The following C10orf90 variants were observed in gnomAD, a reference collection of about 807,000 sequenced individuals.
C10orf90 encodes the protein chromosome 10 open reading frame 90.
Under a neutral mutation model 62.5 loss-of-function variants are expected in C10orf90, and 56 were observed. That is an observed-to-expected ratio of 0.90 (90% CI 0.72 to 1.12). The LOEUF (loss-of-function observed/expected upper bound fraction) is 1.12. Ranked by LOEUF, C10orf90 falls within the 50% of genes most tolerant of loss-of-function variation. The probability of loss-of-function intolerance (pLI) is 0.00; values close to 1 mark genes in which losing one functional copy is unlikely to be tolerated. For synonymous variants in C10orf90, 386 were observed against 340.4 expected, an observed-to-expected ratio of 1.13 and a Z score of -1.47; for missense variants, 970 against 880.4, an observed-to-expected ratio of 1.10 and a Z score of -1.29.
At chr10:126,489,567 A>G (rs1394648389) in intron 4 of C10orf90, among the ~76,000 whole-genome samples, 1 of 152,166 alleles carries the variant, frequency 6.6e-6, no homozygotes, top group Admixed American at 6.5e-5. Flanking sequence ...GAAAAAACAG[A>G]GCACGACGAG....
chr10:126,521,192 G>C, intron 2 of C10orf90: 1 of 1,256,390 alleles, frequency 8.0e-7, no homozygotes, highest in Non-Finnish European at 1.1e-6. Flanking sequence ...CTTTCCCCTG[G>C]GGCCTCATAC....
chr10:126,532,835 T>A (rs1311559101), intron 2 of C10orf90, among the ~76,000 whole-genome samples: 2 of 2,920 alleles, frequency 6.8e-4, no homozygotes, highest in African/African-American at 8.8e-3. Context: ...AGAGCGAGAC[T>A]ACGTCTCAAA....
At chr10:126,576,729 TA>T (rs368227423) in intron 2 of C10orf90, among the ~76,000 whole-genome samples, 5,504 of 47,552 alleles carry the variant, frequency 0.12, 112 homozygotes, top group African/African-American at 0.21. Context: ...GATATACATA[TA>T]TATGTATATG....
At chr10:126,545,254 G>T (rs1242880127) in intron 2 of C10orf90, among the ~76,000 whole-genome samples, 1 of 152,158 alleles carries the variant, frequency 6.6e-6, no homozygotes, top group Admixed American at 6.5e-5. Flanking sequence ...ATTGAGTGTA[G>T]TAAAATCTCC....
At chr10:126,462,631 T>C (rs763305627) in intron 5 of C10orf90, among the ~76,000 whole-genome samples, 9 of 152,200 alleles carry the variant, frequency 5.9e-5, no homozygotes, top group Non-Finnish European at 1.0e-4. Flanking sequence ...ATACCCACTC[T>C]GCATCTCTCC....
intron 2 of C10orf90, among the ~76,000 whole-genome samples, chr10:126,593,109 A>G (rs1845014533): frequency 6.6e-6 from 1 of 152,254 alleles, no homozygotes; most frequent in African/African-American, 2.4e-5. Context: ...CAATTCAACC[A>G]TTGTGGAAGA....
intron 2 of C10orf90, among the ~76,000 whole-genome samples, chr10:126,584,915 A>G (rs924716314): frequency 2.0e-5 from 3 of 151,938 alleles, no homozygotes; most frequent in African/African-American, 4.8e-5. Context: ...CTCATCCCTA[A>G]AAGTACACAC....
At chr10:126,592,046 G>T (rs777114633) in intron 2 of C10orf90, among the ~76,000 whole-genome samples, 1 of 152,094 alleles carries the variant, frequency 6.6e-6, no homozygotes, top group Non-Finnish European at 1.5e-5. Context: ...GGAAATCAGA[G>T]AGGACACAAA....
At chr10:126,651,748 G>T (rs1314923528) in intron 1 of C10orf90, among the ~76,000 whole-genome samples, 3 of 152,220 alleles carry the variant, frequency 2.0e-5, no homozygotes, top group Admixed American at 6.5e-5. Flanking sequence ...AGTTTGCAGA[G>T]AAAACAGAGG....
At chr10:126,594,078 T>C (rs1845034834) in intron 2 of C10orf90, among the ~76,000 whole-genome samples, 1 of 149,324 alleles carries the variant, frequency 6.7e-6, no homozygotes, top group Non-Finnish European at 1.5e-5. Context: ...GATAATCACA[T>C]AGTTACCTAA....
At chr10:126,565,120 T>TTA (rs1844317618) in intron 2 of C10orf90, among the ~76,000 whole-genome samples, 3 of 50,048 alleles carry the variant, frequency 6.0e-5, no homozygotes, top group African/African-American at 2.2e-4. Flanking sequence ...ATATATTATA[T>TTA]AATATATAAT....
intron 2 of C10orf90, among the ~76,000 whole-genome samples, chr10:126,640,648 A>G (rs1846041920): frequency 6.6e-6 from 1 of 152,232 alleles, no homozygotes; most frequent in Non-Finnish European, 1.5e-5. Context: ...GGGCAGGTTG[A>G]ATCAAGCTTC....
At chr10:126,665,291 C>T (rs1846603815) in intron 1 of C10orf90, among the ~76,000 whole-genome samples, 1 of 152,184 alleles carries the variant, frequency 6.6e-6, no homozygotes, top group Non-Finnish European at 1.5e-5. Flanking sequence ...TTTGATCTGG[C>T]TAAGCTCTTC....
At chr10:126,487,165 A>AG (rs1861485573) in intron 4 of C10orf90, among the ~76,000 whole-genome samples, 1 of 143,908 alleles carries the variant, frequency 6.9e-6, no homozygotes, top group East Asian at 2.0e-4. Context: ...AAAAAAAAAA[A>AG]AAAGAAAGAA....
At chr10:126,506,771 G>A (rs1185293200) in intron 3 of C10orf90, among the ~76,000 whole-genome samples, 1 of 152,186 alleles carries the variant, frequency 6.6e-6, no homozygotes, top group East Asian at 1.9e-4. Context: ...TGGAAGCAGG[G>A]TATTTGCTCA....
chr10:126,510,939 C>T (rs1473847254), intron 3 of C10orf90, among the ~76,000 whole-genome samples: 1 of 152,208 alleles, frequency 6.6e-6, no homozygotes, highest in Non-Finnish European at 1.5e-5. Context: ...AAGAATAAGG[C>T]TCTCCTCCCA....
rs967755311 is a variant in C10orf90 at position 126,669,258 on chromosome 10, G to A, written c.240+983C>T. ...TTTCTGTGGCCTTTACATCTCTGTT[G>A]TGAACATGGAAATTCACACTCCCAG... On this transcript the variant is annotated intron_variant, in intron 1 of 9. Transcript: ENST00000488181. Among the ~76,000 whole-genome samples the A allele has an allele frequency of 5.3e-5, 8 of 152,250 alleles. No homozygotes were observed. The South Asian group carries it at 1.2e-3, about 24-fold the overall frequency.
intron 2 of C10orf90, among the ~76,000 whole-genome samples, chr10:126,602,366 G>A (rs1010723585): frequency 6.6e-6 from 1 of 152,286 alleles, no homozygotes; most frequent in East Asian, 1.9e-4. Context: ...TAGCTTACTT[G>A]GAATATAATA....
At chr10:126,565,167 ATTACATATTATGTAATATAATAT>A in intron 2 of C10orf90, among the ~76,000 whole-genome samples, 1 of 70,636 alleles carries the variant, frequency 1.4e-5, no homozygotes, top group Non-Finnish European at 2.4e-5. Context: ...TAATATTTAT[ATTACATATTATGTAATATAATAT>A]TTATATTACA....
Sources: gnomAD v4.1 joint callset for allele counts (sites outside exome capture counted in the v4.1 genomes callset) on GRCh38, gnomAD v4.1.1 for gene constraint, MANE v1.5 for transcripts, NCBI Gene and HGNC (gene_info 2026-07-23, HGNC 2026-07-21) for gene names.